Variants in PLCB1 observed in about 807,000 individuals in gnomAD.
PLCB1 encodes the protein 1-phosphatidylinositol 4,5-bisphosphate phosphodiesterase beta-1.
PLCB1 carries 46 observed loss-of-function variants against 161.8 expected under a neutral mutation model. The observed-to-expected ratio is 0.28, with a 90% confidence interval of 0.22 to 0.36. PLCB1 has a LOEUF of 0.36. PLCB1 is among the 10% of genes least tolerant of loss of function. The probability of loss-of-function intolerance (pLI) is 1.00; values close to 1 mark genes in which losing one functional copy is unlikely to be tolerated. For missense variants in PLCB1, 1,016 were observed against 1,472.5 expected (o/e 0.69, Z 5.07); for synonymous variants, 517 against 503.7 (o/e 1.03, Z -0.35).
intron 2 of PLCB1, among the ~76,000 whole-genome samples, chr20:8,230,618 AT>A (rs2123182801): frequency 6.6e-6 from 1 of 152,204 alleles, no homozygotes; most frequent in East Asian, 1.9e-4. Flanking sequence ...GTTTATTTCA[AT>A]TTCAGCTAAT....
At chr20:8,172,373 G>A (rs1466356734) in intron 2 of PLCB1, among the ~76,000 whole-genome samples, 1 of 152,106 alleles carries the variant, frequency 6.6e-6, no homozygotes, top group Non-Finnish European at 1.5e-5. Context: ...GTTATCTGGA[G>A]GAAGAATGTC....
intron 2 of PLCB1, among the ~76,000 whole-genome samples, chr20:8,328,510 C>T (rs927403605): frequency 2.0e-5 from 3 of 151,150 alleles, no homozygotes; most frequent in Admixed American, 6.6e-5. Flanking sequence ...CCTAACTATT[C>T]CATTTTAATT....
chr20:8,796,823 A>G (rs1167831004), intron 31 of PLCB1, among the ~76,000 whole-genome samples: 2 of 152,210 alleles, frequency 1.3e-5, no homozygotes, highest in Non-Finnish European at 2.9e-5. Flanking sequence ...TTTTAAACAC[A>G]TAAGACATTA....
At chr20:8,159,872 A>G (rs957700042) in intron 2 of PLCB1, among the ~76,000 whole-genome samples, 1 of 151,398 alleles carries the variant, frequency 6.6e-6, no homozygotes, top group African/African-American at 2.4e-5. Flanking sequence ...CTGTAATCCC[A>G]GCTACCTGGG....
chr20:8,666,876 T>A (rs945124434), intron 9 of PLCB1, among the ~76,000 whole-genome samples: 6 of 152,056 alleles, frequency 3.9e-5, no homozygotes, highest in African/African-American at 1.4e-4. Flanking sequence ...GGAGTACAGG[T>A]GATGGTGGCT....
intron 2 of PLCB1, among the ~76,000 whole-genome samples, chr20:8,265,267 G>A (rs550944368): frequency 8.2e-4 from 125 of 152,274 alleles, no homozygotes; most frequent in African/African-American, 2.9e-3. Flanking sequence ...ATGAGTGAAT[G>A]CATATAAAAA....
intron 2 of PLCB1, among the ~76,000 whole-genome samples, chr20:8,266,777 G>T (rs1434535758): frequency 1.3e-5 from 2 of 151,876 alleles, no homozygotes; most frequent in South Asian, 4.2e-4. Context: ...AGTGGCTCAC[G>T]CCTGTAATCC....
At chr20:8,639,847 A>G (rs1268480937) in intron 4 of PLCB1, among the ~76,000 whole-genome samples, 1 of 152,160 alleles carries the variant, frequency 6.6e-6, no homozygotes, top group Non-Finnish European at 1.5e-5. Context: ...AGGAAGAGCC[A>G]TTAAATAAAC....
rs559112317 is a variant in PLCB1, at chr20:8,397,390, T to TA, written c.246+25944dup. On this transcript the variant is annotated intron_variant, in intron 3 of 31. Transcript: ENST00000338037. ...TATAGTTACGTTCAGTTTTAGAGAT[T>TA]AAAATGCTCTATTGCTTTTATCAAT... 1.2e-3 allele frequency among the ~76,000 whole-genome samples: 190 copies of TA among 152,264 alleles called. 1 individual carries two copies. The highest frequency in any genetic ancestry group is 4.1e-3 in the African/African-American group (171 of 41,582).
intron 2 of PLCB1, among the ~76,000 whole-genome samples, chr20:8,343,924 G>C (rs551813540): frequency 3.3e-5 from 5 of 152,318 alleles, no homozygotes; most frequent in Admixed American, 2.0e-4. Context: ...TAGGATATCA[G>C]GATTGGCTGA....
intron 11 of PLCB1, among the ~76,000 whole-genome samples, chr20:8,704,976 C>G (rs1000063981): frequency 2.3e-5 from 1 of 43,746 alleles, no homozygotes; most frequent in African/African-American, 1.0e-4. Flanking sequence ...AGCAAATTCT[C>G]CTTTACTCTT....
intron 3 of PLCB1, among the ~76,000 whole-genome samples, chr20:8,612,336 G>A (rs774052669): frequency 3.9e-5 from 6 of 152,134 alleles, no homozygotes; most frequent in Non-Finnish European, 8.8e-5. Flanking sequence ...AATGTTCAGA[G>A]TTTTCCTGGG....
intron 3 of PLCB1, among the ~76,000 whole-genome samples, chr20:8,446,711 G>A (rs954413889): frequency 6.6e-6 from 1 of 152,154 alleles, no homozygotes; most frequent in Non-Finnish European, 1.5e-5. Flanking sequence ...GAACACATAG[G>A]AAAAATCAAG....
intron 14 of PLCB1, among the ~76,000 whole-genome samples, chr20:8,721,475 A>G (rs895918514): frequency 3.9e-5 from 6 of 152,226 alleles, no homozygotes; most frequent in Non-Finnish European, 5.9e-5. Context: ...GAAGAATGTA[A>G]TGCTTCATAC....
At chr20:8,774,039 G>T (rs991282420) in intron 26 of PLCB1, among the ~76,000 whole-genome samples, 5 of 148,966 alleles carry the variant, frequency 3.4e-5, no homozygotes, top group African/African-American at 1.3e-4. Context: ...ATCTGCACAC[G>T]GCATCTACAC....
At chr20:8,664,337 A>G (rs1224489600) in intron 9 of PLCB1, among the ~76,000 whole-genome samples, 1 of 152,184 alleles carries the variant, frequency 6.6e-6, no homozygotes. Context: ...AAATGAACTC[A>G]AGATTATAAT....
chr20:8,444,705 T>C (rs138662543), intron 3 of PLCB1, among the ~76,000 whole-genome samples: 11,604 of 152,184 alleles, frequency 0.076, 513 homozygotes, highest in Middle Eastern at 0.12. Context: ...TCCTCTCCAG[T>C]ACCTGTTGTT....
intron 27 of PLCB1, 129 bp downstream of exon 27, chr20:8,774,848 G>A: frequency 1.6e-6 from 1 of 613,974 alleles, no homozygotes; most frequent in Non-Finnish European, 2.8e-6. Context: ...GATTGTTTAG[G>A]TGACACAGTG....
At chr20:8,546,270 C>T (rs556856227) in intron 3 of PLCB1, among the ~76,000 whole-genome samples, 56 of 144,770 alleles carry the variant, frequency 3.9e-4, no homozygotes, top group Non-Finnish European at 7.3e-4. Context: ...GCTGAGATCG[C>T]GCCACTGACT....
Sources: allele counts gnomAD v4.1 joint callset (sites outside exome capture counted in the v4.1 genomes callset), GRCh38; gene constraint gnomAD v4.1.1; transcripts MANE v1.5; gene names NCBI Gene and HGNC (gene_info 2026-07-23, HGNC 2026-07-21).